Variants in PWP1 observed in about 807,000 individuals in gnomAD.
PWP1 encodes the protein periodic tryptophan protein 1 homolog.
PWP1 carries 47 observed loss-of-function variants against 69.9 expected under a neutral mutation model. The observed-to-expected ratio is 0.67, with a 90% CI of 0.53 to 0.86. PWP1 has a LOEUF of 0.86. Ranked by LOEUF, PWP1 falls within the 40% of genes least tolerant of loss-of-function variation. PWP1 has a pLI of 0.00. For synonymous variants in PWP1, 222 were observed against 208.2 expected (o/e 1.07, Z -0.57); for missense variants, 551 against 608.8 (o/e 0.91, Z 1.00).
At chr12:107,705,999 G>A (rs1889816167) in intron 11 of PWP1, among the ~76,000 whole-genome samples, 1 of 152,178 alleles carries the variant, frequency 6.6e-6, no homozygotes, top group African/African-American at 2.4e-5. Context: ...GGTTGAACTA[G>A]TTTACAGTCC....
rs371723969 is a variant in PWP1, at chr12:107,710,651, T to C, written c.1396+141T>C. The C allele has an allele frequency of 6.9e-4, 928 of 1,335,920 alleles. 15 individuals carry two copies. In the South Asian group the frequency reaches 0.014, roughly 20 times the overall value. 82.8% of individuals were successfully genotyped at this position (1,335,920 alleles called of 1,614,324 possible). A position where few individuals can be genotyped will look rare whatever the true frequency, so the allele number is the denominator to read the frequency against. On this transcript the variant is annotated intron_variant, in intron 14 of 14. Transcript: ENST00000412830. Reference sequence around the variant, plus strand: ...AATCCTTGGTCCTCAGCCTTCTGTATAGCTGGGATTACAGGTGTGAGCCAT... The same window carrying C: ...AATCCTTGGTCCTCAGCCTTCTGTACAGCTGGGATTACAGGTGTGAGCCAT...
rs376243882 is a variant in PWP1, at chr12:107,712,232, T to A, written c.*12T>A. On this transcript the variant is annotated 3_prime_UTR_variant, in exon 15 of 15. Coordinates refer to ENST00000412830, the MANE Select transcript of PWP1 (RefSeq NM_007062.3). The stretch of plus-strand genomic sequence containing the variant: ...CCATGGAGTCTTAATGAAGATCATC[T>A]AATTTCCTGCTTACCTTAACTGGGA... 3.8e-6 allele frequency: 6 copies of A among 1,594,180 alleles called. No homozygotes were observed. The African/African-American group carries it at 6.7e-5, about 18-fold the overall frequency.
intron 5 of PWP1, among the ~76,000 whole-genome samples, chr12:107,693,339 GT>G (rs566218039): frequency 6.6e-6 from 1 of 150,656 alleles, no homozygotes; most frequent in African/African-American, 2.4e-5. Context: ...TCATAGGGGT[GT>G]TTTTTTTTGT....
intron 13 of PWP1, 137 bp from the exon 14 acceptor site, chr12:107,710,268 G>T: frequency 7.3e-7 from 1 of 1,374,632 alleles, no homozygotes. Flanking sequence ...TACCTTTGCA[G>T]TAGGCTTGAA....
Position 107,692,847 on chromosome 12 carries a change from T to C in PWP1, c.353T>C (p.Leu118Pro). 1 of 1,613,970 alleles carries C rather than the reference T, an allele frequency of 6.2e-7. No homozygotes were observed. The highest frequency in any genetic ancestry group is 8.5e-7 in the Non-Finnish European group (1 of 1,179,874). ...ACTCTTGGTGAATCTCTCTTGGGTCTTACGGTCTACGGGAGTAATGATCAA... is the reference window on the plus strand; with the variant it reads ...ACTCTTGGTGAATCTCTCTTGGGTCCTACGGTCTACGGGAGTAATGATCAA... ...AETLGESLLG[L>P]TVYGSNDQDP... is the part of the protein sequence containing the mutation. The change falls in exon 4 of 15, where the codon CTT (leucine) becomes CCT (proline). Residue 118 changes from leucine to proline, a missense_variant. Leu to Pro is a moderately conservative substitution (Grantham distance 98). Coordinates refer to ENST00000412830, the MANE Select transcript of PWP1 (RefSeq NM_007062.3).
rs750916283 is a variant in PWP1, at chr12:107,688,632, GTGA to G, written c.153_155del (p.Asp51del). On this transcript the variant is annotated inframe_deletion, in exon 3 of 15. Coordinates refer to ENST00000412830, the MANE Select transcript of PWP1 (RefSeq NM_007062.3). ...GCTCATAGAGAAGAAGGTGGTGGCA[GTGA>G]TGAAGAGGAGACAGGCAGTCCTTCA... is the stretch of plus-strand genomic sequence containing the variant. 2.5e-6 allele frequency: 4 copies of G among 1,613,932 alleles called. No individual in the cohort carries two copies. Among genetic ancestry groups the G allele is most frequent in the African/African-American group, 2.7e-5 (2 of 74,934 alleles).
chr12:107,703,794 G>A (rs1204930214), intron 10 of PWP1, 48 bp downstream of exon 10: 6 of 1,522,142 alleles, frequency 3.9e-6, no homozygotes, highest in Non-Finnish European at 4.6e-6. Flanking sequence ...TTATCCTCTA[G>A]AAGTCATTTT....
Position 107,696,590 on chromosome 12 carries a change from T to G in PWP1, c.613+6T>G. 6.2e-7 allele frequency: 1 copy of G among 1,613,916 alleles called. No homozygotes were observed. The highest frequency in any genetic ancestry group is 2.2e-5 in the East Asian group (1 of 44,854). ...TAGCCCAGATGATTCTACTGGTAAT[T>G]AGAAAACTTAAGGTTGTTCAATGAT... On this transcript the variant is annotated splice_donor_region_variant and intron_variant, in intron 6 of 14. Transcript: ENST00000412830.
chr12:107,698,166 A>G (rs1300802004), intron 7 of PWP1, among the ~76,000 whole-genome samples: 2 of 152,190 alleles, frequency 1.3e-5, no homozygotes, highest in Non-Finnish European at 2.9e-5. Context: ...GTTCGAGACC[A>G]GCCTGGCCAA....
intron 1 of PWP1, 148 bp from the exon 2 acceptor site, chr12:107,688,300 T>C: frequency 1.8e-6 from 1 of 562,172 alleles, no homozygotes; most frequent in Non-Finnish European, 2.9e-6. Context: ...CTATATTTTT[T>C]AATATAGAGT....
chr12:107,689,544 G>A (rs1213807085), intron 3 of PWP1, among the ~76,000 whole-genome samples: 2 of 152,150 alleles, frequency 1.3e-5, no homozygotes, highest in African/African-American at 4.8e-5. Flanking sequence ...TCAGGAGTTC[G>A]AGACCAGCCG....
At chr12:107,693,889 A>G (rs1889532374) in intron 5 of PWP1, among the ~76,000 whole-genome samples, 1 of 152,072 alleles carries the variant, frequency 6.6e-6, no homozygotes, top group Admixed American at 6.5e-5. Context: ...TATTTCAGAT[A>G]TTTCCCCTTT....
chr12:107,702,018 C>T (rs998808708), intron 8 of PWP1, among the ~76,000 whole-genome samples: 1 of 152,126 alleles, frequency 6.6e-6, no homozygotes, highest in Non-Finnish European at 1.5e-5. Context: ...CATTTAATTA[C>T]CTTAGTACCC....
At chr12:107,693,263 A>G (rs1889521591) in intron 5 of PWP1, among the ~76,000 whole-genome samples, 167 bp downstream of exon 5, 1 of 152,182 alleles carries the variant, frequency 6.6e-6, no homozygotes, top group African/African-American at 2.4e-5. Flanking sequence ...TGTTCTGGGT[A>G]TGTGTAGTCC....
rs185933492 is a variant in PWP1 at position 107,687,541 on chromosome 12, A to G, written c.73-907A>G. ...AGATAAGTCTGGGAACCACTATTTGAAGAGTTTATAGGAAAAAGAGATTGA... is the reference window on the plus strand; with the variant it reads ...AGATAAGTCTGGGAACCACTATTTGGAGAGTTTATAGGAAAAAGAGATTGA... On this transcript the variant is annotated intron_variant, in intron 1 of 14. Coordinates refer to ENST00000412830, the MANE Select transcript of PWP1 (RefSeq NM_007062.3). Among the ~76,000 whole-genome samples the G allele has an allele frequency of 3.2e-3, 483 of 152,318 alleles. 3 individuals carry two copies. Among genetic ancestry groups the G allele is most frequent in the African/African-American group, 0.011 (471 of 41,560 alleles).
rs1246460374 is a variant in PWP1 at position 107,696,470 on chromosome 12, T to C, written c.503-4T>C. The C allele has an allele frequency of 1.2e-6, 2 of 1,610,870 alleles. No individual in the cohort carries two copies. The highest frequency in any genetic ancestry group is 8.5e-7 in the Non-Finnish European group (1 of 1,179,234). The stretch of plus-strand genomic sequence containing the variant: ...ATTAAAGTCTCTTTTCCCAATCTTT[T>C]CAGTTTATAATCAAGAAGAAGACTC... On this transcript the variant is annotated splice_region_variant and splice_polypyrimidine_tract_variant and intron_variant, in intron 5 of 14. Coordinates refer to ENST00000412830, the MANE Select transcript of PWP1 (RefSeq NM_007062.3).
At chr12:107,701,770 G>A (rs1272827204) in intron 8 of PWP1, among the ~76,000 whole-genome samples, 1 of 152,054 alleles carries the variant, frequency 6.6e-6, no homozygotes, top group Non-Finnish European at 1.5e-5. Flanking sequence ...CCCCACCTCT[G>A]GGGTTCAAGT....
At chr12:107,710,539 C>A in intron 14 of PWP1, 29 bp downstream of exon 14, 1 of 1,558,656 alleles carries the variant, frequency 6.4e-7, no homozygotes, top group Non-Finnish European at 8.6e-7. Flanking sequence ...CTGCACACCT[C>A]CCCCTGCCCC....
chr12:107,710,128 G>C (rs1889916826), intron 13 of PWP1, among the ~76,000 whole-genome samples: 1 of 152,194 alleles, frequency 6.6e-6, no homozygotes, highest in African/African-American at 2.4e-5. Context: ...AAATCCCTAA[G>C]AGACAGAGTG....
Sources: allele counts gnomAD v4.1 joint callset (sites outside exome capture counted in the v4.1 genomes callset), GRCh38; gene constraint gnomAD v4.1.1; transcripts MANE v1.5; gene names NCBI Gene and HGNC (gene_info 2026-07-23, HGNC 2026-07-21).